CLCN5: variants seen among roughly 807,000 people sequenced by gnomAD.
The protein encoded by CLCN5 is Cl-/H+ antiporter 5.
A neutral mutation model predicts 54.0 loss-of-function variants in CLCN5; 17 were observed. The observed-to-expected ratio is 0.31, with a 90% confidence interval of 0.22 to 0.47. The LOEUF (loss-of-function observed/expected upper bound fraction) is 0.47, where lower values mean the gene tolerates loss of function less well. CLCN5 is among the 20% of genes least tolerant of loss of function. The pLI, the probability that CLCN5 is intolerant of heterozygous loss-of-function variation, is 1.00. For synonymous variants in CLCN5, 222 were observed against 233.0 expected, an observed-to-expected ratio of 0.95 and a Z score of 0.43; for missense variants, 448 against 646.7, an observed-to-expected ratio of 0.69 and a Z score of 3.33.
rs782118234 is a variant in CLCN5, at chrX:50,081,538, C to T, written c.727-103C>T. On this transcript the variant is annotated intron_variant, in intron 8 of 14. Transcript: ENST00000376091. Reference sequence around the variant, plus strand: ...CTGTAGGTCAAGCATTTATATGTCACTTATTCAAAAGGTGCAGTTTCTATA... The same window carrying T: ...CTGTAGGTCAAGCATTTATATGTCATTTATTCAAAAGGTGCAGTTTCTATA... 158 of 620,271 alleles carry T rather than the reference C, an allele frequency of 2.5e-4. 1 individual carries two copies. The highest frequency in any genetic ancestry group is 4.2e-4 in the Non-Finnish European group (155 of 371,771). The allele number at this position is 620,271 out of a possible 1,213,427, so 51.1% of individuals were successfully genotyped here.
At chrX:49,942,046 G>A (rs781937013) in intron 3 of CLCN5, among the ~76,000 whole-genome samples, 1 of 103,075 alleles carries the variant, frequency 9.7e-6, no homozygotes, top group Admixed American at 1.1e-4. Context: ...ACAGTAGTCA[G>A]GGCATTTCTG....
At chrX:49,963,490 G>T (rs1451518087) in intron 3 of CLCN5, among the ~76,000 whole-genome samples, 1 of 111,867 alleles carries the variant, frequency 8.9e-6, no homozygotes, top group Non-Finnish European at 1.9e-5. Context: ...TACTTTACTT[G>T]TTATCTGGAG....
At chrX:49,967,515 G>A (rs1227770119) in intron 3 of CLCN5, among the ~76,000 whole-genome samples, 1 of 92,436 alleles carries the variant, frequency 1.1e-5, no homozygotes, top group Non-Finnish European at 1.9e-5. Flanking sequence ...TTCAATATAC[G>A]CAAATCAATA....
rs782789491 is a variant in CLCN5 at position 50,090,233 on chromosome X, C to T, written c.1862C>T (p.Ala621Val). The change falls in exon 13 of 15, where the codon GCT becomes GTT. Residue 621 changes from alanine (A) to valine (V), a missense_variant. Around this residue, in one of 5 missense-constraint regions of CLCN5, gnomAD observed 297 missense variants for 470.4 expected, o/e 0.63. Transcript: ENST00000376091. Reference sequence around the variant, plus strand: ...ATGACAAGCAAGTGGGTGGCAGATGCTCTTGGGCGGGAGGGCATCTATGAT... The same window carrying T: ...ATGACAAGCAAGTGGGTGGCAGATGTTCTTGGGCGGGAGGGCATCTATGAT... Reference protein sequence around the residue: ...AAMTSKWVADALGREGIYDAH... With the variant: ...AAMTSKWVADVLGREGIYDAH... The T allele has an allele frequency of 8.3e-7, 1 of 1,211,709 alleles. No homozygotes were observed. Among genetic ancestry groups the T allele is most frequent in the South Asian group, 1.8e-5 (1 of 56,965 alleles).
At chrX:49,990,402 T>G (rs1365570148) in intron 3 of CLCN5, among the ~76,000 whole-genome samples, 1 of 102,418 alleles carries the variant, frequency 9.8e-6, no homozygotes, top group Non-Finnish European at 2.0e-5. Flanking sequence ...CTCACTCCCC[T>G]CCCACCCTTC....
chrX:49,932,603 T>G (rs1406823790), intron 3 of CLCN5, among the ~76,000 whole-genome samples: 1 of 111,347 alleles, frequency 9.0e-6, no homozygotes, highest in Non-Finnish European at 1.9e-5. Context: ...ACCAGGCCCC[T>G]GAGGGTTTGG....
chrX:50,031,963 T>C (rs2147456078), intron 3 of CLCN5, among the ~76,000 whole-genome samples: 1 of 100,963 alleles, frequency 9.9e-6, no homozygotes, highest in Non-Finnish European at 2.0e-5. Context: ...AGTGAGAATG[T>C]GTGGTGTTTG....
intron 3 of CLCN5, among the ~76,000 whole-genome samples, chrX:49,957,872 C>T (rs782297216): frequency 9.0e-6 from 1 of 111,072 alleles, no homozygotes; most frequent in South Asian, 3.8e-4. Flanking sequence ...CCAGTGATAG[C>T]ATGTTACAAA....
chrX:49,991,345 A>G (rs1277392288), intron 3 of CLCN5, among the ~76,000 whole-genome samples: 2 of 111,989 alleles, frequency 1.8e-5, no homozygotes, highest in African/African-American at 3.2e-5. Flanking sequence ...GGCCATTTGT[A>G]TATCTTCTTT....
chrX:49,996,110 C>T (rs1322219748), intron 3 of CLCN5, among the ~76,000 whole-genome samples: 1 of 111,973 alleles, frequency 8.9e-6, no homozygotes, highest in Non-Finnish European at 1.9e-5. Flanking sequence ...GCTTGATTAC[C>T]CAAGTTCTGT....
At chrX:50,091,108 C>T (rs782349191) in intron 14 of CLCN5, among the ~76,000 whole-genome samples, 2 of 111,672 alleles carry the variant, frequency 1.8e-5, no homozygotes, top group East Asian at 5.7e-4. Flanking sequence ...CTGCTGGTTG[C>T]ATATTATAAA....
At chrX:50,063,321 G>A (rs1932894763) in intron 4 of CLCN5, among the ~76,000 whole-genome samples, 1 of 98,348 alleles carries the variant, frequency 1.0e-5, no homozygotes, top group South Asian at 4.5e-4. Flanking sequence ...AAATGATAAA[G>A]GGGATATCAC....
chrX:50,060,295 TGCGCGCACCGTGC>T (rs1411568107), intron 4 of CLCN5, among the ~76,000 whole-genome samples: 1 of 110,270 alleles, frequency 9.1e-6, no homozygotes, highest in Non-Finnish European at 1.9e-5. Flanking sequence ...GGCCAGTGGG[TGCGCGCACCGTGC>T]GCGAGCTGAA....
chrX:50,032,303 C>G (rs782448443), intron 3 of CLCN5, among the ~76,000 whole-genome samples: 1 of 111,750 alleles, frequency 8.9e-6, no homozygotes, highest in South Asian at 3.8e-4. Flanking sequence ...ACACTGACTT[C>G]CACAATGGTT....
chrX:49,959,521 A>G (rs1557174302), intron 3 of CLCN5, among the ~76,000 whole-genome samples: 1 of 111,001 alleles, frequency 9.0e-6, no homozygotes, highest in African/African-American at 3.3e-5. Context: ...TTTTTTCCAG[A>G]ACTCTTTCCC....
At chrX:49,993,113 C>T (rs1430017239) in intron 3 of CLCN5, among the ~76,000 whole-genome samples, 2 of 111,567 alleles carry the variant, frequency 1.8e-5, no homozygotes, top group East Asian at 5.6e-4. Context: ...TGGGTCTCTT[C>T]CTTCCTTGGC....
chrX:50,007,334 G>T (rs1441420519), intron 3 of CLCN5, among the ~76,000 whole-genome samples: 1 of 107,617 alleles, frequency 9.3e-6, no homozygotes, highest in African/African-American at 3.4e-5. Flanking sequence ...GAGCCTTTTT[G>T]ATTATACTCA....
intron 9 of CLCN5, 133 bp downstream of exon 9, chrX:50,081,980 A>C (rs2147582582): frequency 1.8e-6 from 1 of 566,750 alleles, no homozygotes; most frequent in East Asian, 3.6e-5. Context: ...ACTTGTAGGA[A>C]TTTATCCTAC....
intron 3 of CLCN5, among the ~76,000 whole-genome samples, chrX:50,033,636 A>G (rs1931839648): frequency 9.0e-6 from 1 of 111,253 alleles, no homozygotes; most frequent in African/African-American, 3.3e-5. Context: ...TCAAGCTACC[A>G]ATGACTTTCT....
Sources: gnomAD v4.1 joint callset for allele counts (sites outside exome capture counted in the v4.1 genomes callset) on GRCh38, gnomAD v4.1.1 for gene constraint, gnomAD v4.1.1 regional missense constraint, MANE v1.5 for transcripts, NCBI Gene and HGNC (gene_info 2026-07-23, HGNC 2026-07-21) for gene names.